The following CDH18 variants were observed in gnomAD, a reference collection of about 807,000 sequenced individuals.
The protein encoded by CDH18 is cadherin 18.
In CDH18, 31 loss-of-function variants were observed where a neutral mutation model predicts 67.9. That is an observed-to-expected ratio of 0.46 (90% CI 0.34 to 0.62). The LOEUF (loss-of-function observed/expected upper bound fraction) is 0.62, where lower values mean the gene tolerates loss of function less well. CDH18 is among the 20% of genes least tolerant of loss of function. The probability of loss-of-function intolerance (pLI) is 0.01; values close to 1 mark genes in which losing one functional copy is unlikely to be tolerated. For missense variants in CDH18, 890 were observed against 975.5 expected (o/e 0.91, Z 1.17); for synonymous variants, 362 against 347.2 (o/e 1.04, Z -0.48).
chr5:20,494,702 A>G (rs1351564308), intron 1 of CDH18, among the ~76,000 whole-genome samples: 1 of 152,148 alleles, frequency 6.6e-6, no homozygotes. Context: ...AGGATAAACC[A>G]GATAACCCAG....
At chr5:19,614,286 T>C (rs921882492) in intron 5 of CDH18, among the ~76,000 whole-genome samples, 2 of 151,736 alleles carry the variant, frequency 1.3e-5, no homozygotes, top group Non-Finnish European at 2.9e-5. Flanking sequence ...GAAGATCCCA[T>C]AACTTTCACA....
chr5:20,296,015 G>C (rs572035564), intron 1 of CDH18, among the ~76,000 whole-genome samples: 1 of 150,518 alleles, frequency 6.6e-6, no homozygotes, highest in East Asian at 2.1e-4. Flanking sequence ...GGGATTCCAG[G>C]CACATGCCAC....
At chr5:19,580,294 T>C (rs752988951) in intron 7 of CDH18, among the ~76,000 whole-genome samples, 3 of 151,900 alleles carry the variant, frequency 2.0e-5, no homozygotes, top group Admixed American at 1.3e-4. Context: ...CTTCCCATCT[T>C]TGAAAAGTTG....
chr5:20,329,768 CAAAAAAAAA>C (rs60246535), intron 1 of CDH18, among the ~76,000 whole-genome samples: 41 of 62,566 alleles, frequency 6.6e-4, no homozygotes, highest in African/African-American at 9.9e-4. Flanking sequence ...GAAACTCCAT[CAAAAAAAAA>C]AAAAAAAAAA....
intron 1 of CDH18, among the ~76,000 whole-genome samples, chr5:20,432,624 G>GA (rs1245739913): frequency 1.3e-5 from 2 of 152,012 alleles, no homozygotes; most frequent in African/African-American, 4.8e-5. Flanking sequence ...TGGGCTCACT[G>GA]ATGGCTGTCT....
intron 1 of CDH18, among the ~76,000 whole-genome samples, chr5:20,418,100 C>G (rs6874841): frequency 0.83 from 125,343 of 151,846 alleles, 52,119 homozygotes; most frequent in African/African-American, 0.91. Context: ...TTGAGACAGA[C>G]TCTTGCTGTT....
intron 5 of CDH18, among the ~76,000 whole-genome samples, chr5:19,689,824 T>A: frequency 6.6e-6 from 1 of 151,956 alleles, no homozygotes; most frequent in Admixed American, 6.5e-5. Context: ...ATATTTAGAC[T>A]GTCTGAATAG....
chr5:19,787,250 T>C (rs1775897638), intron 3 of CDH18, among the ~76,000 whole-genome samples: 1 of 152,078 alleles, frequency 6.6e-6, no homozygotes, highest in Admixed American at 6.6e-5. Context: ...GTCAAGAGTT[T>C]GAGACCAGCG....
chr5:20,087,480 G>GA (rs3067921), intron 2 of CDH18, among the ~76,000 whole-genome samples: 21 of 147,224 alleles, frequency 1.4e-4, no homozygotes, highest in East Asian at 6.0e-4. Context: ...TTTTTGTGGG[G>GA]AAAAAAAAAA....
chr5:20,323,668 CA>C (rs577684817), intron 1 of CDH18, among the ~76,000 whole-genome samples: 2 of 152,132 alleles, frequency 1.3e-5, no homozygotes, highest in Non-Finnish European at 2.9e-5. Flanking sequence ...TCTCAAATTC[CA>C]GTAAAAATTG....
chr5:20,100,980 T>C (rs1051105944), intron 2 of CDH18, among the ~76,000 whole-genome samples: 1 of 152,154 alleles, frequency 6.6e-6, no homozygotes, highest in African/African-American at 2.4e-5. Context: ...TAAGACAGGG[T>C]CTCACTCCAT....
At chr5:19,884,426 C>G (rs547371065) in intron 2 of CDH18, among the ~76,000 whole-genome samples, 1 of 152,022 alleles carries the variant, frequency 6.6e-6, no homozygotes, top group East Asian at 1.9e-4. Flanking sequence ...CATTATTTTA[C>G]CTTTGAGGCT....
At chr5:20,444,779 CTTTTT>C (rs60852616) in intron 1 of CDH18, among the ~76,000 whole-genome samples, 1 of 141,892 alleles carries the variant, frequency 7.0e-6, no homozygotes. Flanking sequence ...TTTTTTCTTT[CTTTTT>C]TTTTTTTTTC....
chr5:19,632,836 T>G (rs1446704376), intron 5 of CDH18, among the ~76,000 whole-genome samples: 1 of 152,210 alleles, frequency 6.6e-6, no homozygotes, highest in Non-Finnish European at 1.5e-5. Context: ...TGGTTTTATT[T>G]GTGCCCCCTC....
intron 1 of CDH18, among the ~76,000 whole-genome samples, chr5:20,277,296 C>T (rs2940451): frequency 0.12 from 17,733 of 151,962 alleles, 1,575 homozygotes; most frequent in African/African-American, 0.24. Flanking sequence ...CTCAAGGCAA[C>T]TCAGCACAGA....
Position 19,471,698 on chromosome 5 carries a change from C to A in CDH18, c.*1528G>T, listed in dbSNP as rs930369350. Among the ~76,000 whole-genome samples the A allele has an allele frequency of 6.6e-6, 1 of 151,816 alleles. No homozygotes were observed. The highest frequency in any genetic ancestry group is 1.5e-5 in the Non-Finnish European group (1 of 67,952). Reference sequence around the variant, plus strand: ...AAACAATTTGAAAAAAAAAGCCCCACCCAAATTCTCAGAAATTAGCTTATG... The same window carrying A: ...AAACAATTTGAAAAAAAAAGCCCCAACCAAATTCTCAGAAATTAGCTTATG... On this transcript the variant is annotated 3_prime_UTR_variant, in exon 13 of 13. Coordinates refer to ENST00000382275, the MANE Select transcript of CDH18 (RefSeq NM_004934.5).
chr5:19,629,867 A>G (rs563177585), intron 5 of CDH18, among the ~76,000 whole-genome samples: 187 of 152,316 alleles, frequency 1.2e-3, no homozygotes, highest in Non-Finnish European at 2.1e-3. Context: ...ATATCACAAA[A>G]GTGAAGAAAA....
At chr5:20,228,011 T>C (rs1741770919) in intron 2 of CDH18, among the ~76,000 whole-genome samples, 2 of 152,140 alleles carry the variant, frequency 1.3e-5, no homozygotes, top group South Asian at 4.1e-4. Flanking sequence ...ATAATTTATT[T>C]ATGTTAAATC....
chr5:20,325,417 A>G (rs1738470750), intron 1 of CDH18, among the ~76,000 whole-genome samples: 1 of 152,174 alleles, frequency 6.6e-6, no homozygotes, highest in East Asian at 1.9e-4. Context: ...TGGGCTATAC[A>G]CGTATCATGT....
Sources: gnomAD v4.1 joint callset for allele counts (sites outside exome capture counted in the v4.1 genomes callset) on GRCh38, gnomAD v4.1.1 for gene constraint, MANE v1.5 for transcripts, NCBI Gene and HGNC (gene_info 2026-07-23, HGNC 2026-07-21) for gene names.